The following SDK1 variants were observed in gnomAD, a reference collection of about 807,000 sequenced individuals.
The protein encoded by SDK1 is protein sidekick-1.
In SDK1, 157 loss-of-function variants were observed where a neutral mutation model predicts 245.5. The ratio of observed to expected loss-of-function variants is 0.64; its 90% CI spans 0.56 to 0.73. The LOEUF is 0.73. SDK1 is among the 30% of genes least tolerant of loss of function. The pLI, the probability that SDK1 is intolerant of heterozygous loss-of-function variation, is 0.00. For missense variants in SDK1, 3,583 were observed against 3,002.3 expected, an observed-to-expected ratio of 1.19 and a Z score of -4.52; for synonymous variants, 1,647 against 1,278.5, an observed-to-expected ratio of 1.29 and a Z score of -6.15.
chr7:3,819,176 T>C (rs1350436541), intron 4 of SDK1, among the ~76,000 whole-genome samples: 2 of 151,996 alleles, frequency 1.3e-5, no homozygotes, highest in Non-Finnish European at 2.9e-5. Context: ...GGGAAATTAA[T>C]CTTCATGATC....
At chr7:3,324,792 T>C (rs560172973) in intron 1 of SDK1, among the ~76,000 whole-genome samples, 44 of 152,288 alleles carry the variant, frequency 2.9e-4, no homozygotes, top group Admixed American at 5.9e-4. Context: ...TTTAAGTTTT[T>C]CTCCTGTAAT....
intron 1 of SDK1, among the ~76,000 whole-genome samples, chr7:3,352,503 G>A (rs1191400980): frequency 6.6e-6 from 1 of 152,082 alleles, no homozygotes; most frequent in Admixed American, 6.6e-5. Context: ...TGTGGCTCCT[G>A]TTTTTATTCA....
chr7:3,474,609 C>T (rs572303620), intron 1 of SDK1, among the ~76,000 whole-genome samples: 10 of 152,280 alleles, frequency 6.6e-5, no homozygotes, highest in African/African-American at 2.2e-4. Context: ...CTACTTCCTA[C>T]ATTTCTCTGT....
At chr7:4,057,068 G>T (rs1179079624) in intron 19 of SDK1, among the ~76,000 whole-genome samples, 1 of 152,278 alleles carries the variant, frequency 6.6e-6, no homozygotes, top group South Asian at 2.1e-4. Flanking sequence ...GGCACCCTGA[G>T]GTCAGACTCT....
chr7:3,544,128 G>A (rs548690667), intron 1 of SDK1, among the ~76,000 whole-genome samples: 91 of 152,280 alleles, frequency 6.0e-4, no homozygotes, highest in African/African-American at 2.0e-3. Flanking sequence ...TGGCCTTATA[G>A]CATCAATTTC....
chr7:3,580,087 G>A (rs1297469925), intron 1 of SDK1, among the ~76,000 whole-genome samples: 1 of 152,086 alleles, frequency 6.6e-6, no homozygotes, highest in Admixed American at 6.5e-5. Context: ...GCTAACCAGG[G>A]AGCCAAGAGA....
intron 5 of SDK1, among the ~76,000 whole-genome samples, chr7:3,823,285 A>G (rs1779691796): frequency 1.3e-5 from 2 of 152,240 alleles, no homozygotes; most frequent in South Asian, 4.1e-4. Flanking sequence ...AGGTAGAGCC[A>G]TTTATCTTGT....
intron 22 of SDK1, among the ~76,000 whole-genome samples, chr7:4,082,496 C>G (rs189717249): frequency 6.8e-6 from 1 of 146,720 alleles, no homozygotes; most frequent in African/African-American, 2.5e-5. Flanking sequence ...GATCATGCCA[C>G]TGTACTTCAG....
intron 1 of SDK1, among the ~76,000 whole-genome samples, chr7:3,447,875 C>T (rs1043019765): frequency 5.9e-5 from 9 of 151,524 alleles, no homozygotes; most frequent in African/African-American, 1.2e-4. Context: ...TGGCTAATTT[C>T]GTATTTTTAG....
intron 14 of SDK1, among the ~76,000 whole-genome samples, chr7:3,996,097 C>G (rs908641847): frequency 2.0e-5 from 3 of 152,102 alleles, no homozygotes; most frequent in African/African-American, 7.2e-5. Context: ...GTTATATACT[C>G]TGGCACACTA....
Position 3,757,940 on chromosome 7 carries a change from A to G in SDK1, c.714-63510A>G, listed in dbSNP as rs147825733. Among the ~76,000 whole-genome samples, 468 of 152,230 alleles carry G rather than the reference A, an allele frequency of 3.1e-3. 4 individuals carry two copies. Among genetic ancestry groups the G allele is most frequent in the African/African-American group, 0.011 (442 of 41,542 alleles). On this transcript the variant is annotated intron_variant, in intron 4 of 44. Transcript: ENST00000404826. ...GGCCTGCCAAGAGTTGCCTTGTTAG[A>G]ACAAAAGACTCCTATAACCCTTATC...
In SDK1 at chr7:3,817,232, G is replaced by A. The variant is rs531024980; in HGVS notation, c.714-4218G>A. Among the ~76,000 whole-genome samples the A allele has an allele frequency of 5.3e-5, 8 of 152,208 alleles. No homozygotes were observed. In the South Asian group the frequency reaches 1.7e-3, roughly 32 times the overall value. On this transcript the variant is annotated intron_variant, in intron 4 of 44. Transcript: ENST00000404826. ...TGTTCACATCATGAAAATATTTCTG[G>A]ACACCTCCTGGAACTCTTCCCCTTG...
chr7:3,812,073 T>C (rs754720435), intron 4 of SDK1, among the ~76,000 whole-genome samples: 2 of 152,196 alleles, frequency 1.3e-5, no homozygotes, highest in Non-Finnish European at 2.9e-5. Flanking sequence ...CAGTAAGATA[T>C]CCCCTTGTGT....
intron 4 of SDK1, among the ~76,000 whole-genome samples, chr7:3,689,140 A>G (rs1409775031): frequency 6.6e-6 from 1 of 152,092 alleles, no homozygotes; most frequent in Non-Finnish European, 1.5e-5. Context: ...TGGCCTGCAA[A>G]CCCTAACTGT....
chr7:3,343,331 C>G (rs1023960876), intron 1 of SDK1, among the ~76,000 whole-genome samples: 18 of 152,182 alleles, frequency 1.2e-4, no homozygotes, highest in African/African-American at 4.1e-4. Context: ...TTACTTCTCA[C>G]AATAAAAAGG....
chr7:4,067,837 G>C lies in SDK1; in HGVS notation c.2912-1G>C. 1 of 1,610,574 alleles carries C rather than the reference G, an allele frequency of 6.2e-7. No homozygotes were observed. The highest frequency in any genetic ancestry group is 8.5e-7 in the Non-Finnish European group (1 of 1,178,120). On this transcript the variant is annotated splice_acceptor_variant, in intron 19 of 44. Coordinates refer to ENST00000404826, the MANE Select transcript of SDK1 (RefSeq NM_152744.4). LOFTEE classifies it high-confidence loss of function. ...CAGATGACTTTGCTTTTAATTGGTA[G>C]AACCAGGAGCTGTGGGACATCTGAG...
At chr7:3,549,056 C>G (rs1056534158) in intron 1 of SDK1, among the ~76,000 whole-genome samples, 2 of 152,208 alleles carry the variant, frequency 1.3e-5, no homozygotes, top group Non-Finnish European at 2.9e-5. Flanking sequence ...CTGGGAAGAA[C>G]CTGCTCTTAC....
At chr7:3,568,052 C>T (rs988543122) in intron 1 of SDK1, among the ~76,000 whole-genome samples, 2 of 152,146 alleles carry the variant, frequency 1.3e-5, no homozygotes, top group Admixed American at 6.5e-5. Flanking sequence ...AACTCCTGAG[C>T]TCAAGCAATC....
At chr7:3,804,676 G>C (rs745851749) in intron 4 of SDK1, among the ~76,000 whole-genome samples, 2 of 152,170 alleles carry the variant, frequency 1.3e-5, no homozygotes, top group Non-Finnish European at 2.9e-5. Flanking sequence ...ACTTTGTTGT[G>C]TTTTCCAATC....
Sources: allele counts gnomAD v4.1 joint callset (sites outside exome capture counted in the v4.1 genomes callset), GRCh38; gene constraint gnomAD v4.1.1; transcripts MANE v1.5; gene names NCBI Gene and HGNC (gene_info 2026-07-23, HGNC 2026-07-21).